Variants in CAP2 observed in about 807,000 individuals in gnomAD.
CAP2 encodes adenylyl cyclase-associated protein 2.
CAP2 carries 24 observed loss-of-function variants against 57.7 expected under a neutral mutation model. The observed-to-expected ratio is 0.42, with a 90% CI of 0.30 to 0.58. The LOEUF (loss-of-function observed/expected upper bound fraction) is 0.58. Among genes scored for constraint, CAP2 ranks in the 20% least tolerant of loss-of-function variants. CAP2 has a pLI of 0.22. For synonymous variants in CAP2, 194 were observed against 207.2 expected, an observed-to-expected ratio of 0.94 and a Z score of 0.55; for missense variants, 501 against 590.3, an observed-to-expected ratio of 0.85 and a Z score of 1.57.
chr6:17,404,619 A>AT (rs1166871442), intron 1 of CAP2, among the ~76,000 whole-genome samples: 1 of 151,196 alleles, frequency 6.6e-6, no homozygotes, highest in African/African-American at 2.4e-5. Context: ...AAAAAAAAAA[A>AT]ATTTAGCTGG....
chr6:17,525,821 G>T (rs890114815), intron 7 of CAP2, among the ~76,000 whole-genome samples: 44 of 152,062 alleles, frequency 2.9e-4, no homozygotes, highest in African/African-American at 1.0e-3. Context: ...AACTAGACAC[G>T]CCCTGAGCAA....
intron 7 of CAP2, among the ~76,000 whole-genome samples, chr6:17,534,391 T>C (rs1762721761): frequency 6.6e-6 from 1 of 152,172 alleles, no homozygotes; most frequent in African/African-American, 2.4e-5. Context: ...CTGCAGGCTA[T>C]GGCTGCAGTT....
intron 4 of CAP2, among the ~76,000 whole-genome samples, chr6:17,486,607 A>G (rs1332643378): frequency 6.6e-6 from 1 of 152,228 alleles, no homozygotes; most frequent in African/African-American, 2.4e-5. Context: ...CCCTGTCTCA[A>G]AAAATAAATA....
chr6:17,553,342 C>T (rs1763215593), intron 12 of CAP2, among the ~76,000 whole-genome samples: 1 of 148,508 alleles, frequency 6.7e-6, no homozygotes, highest in African/African-American at 2.5e-5. Flanking sequence ...TGCTAAAAAC[C>T]AAGGTCTTGG....
chr6:17,417,842 A>G (rs1759327585), intron 1 of CAP2, among the ~76,000 whole-genome samples: 1 of 152,154 alleles, frequency 6.6e-6, no homozygotes, highest in Non-Finnish European at 1.5e-5. Flanking sequence ...CTTTCCTGCC[A>G]TCTTGCTGTA....
intron 6 of CAP2, among the ~76,000 whole-genome samples, chr6:17,509,234 CT>C (rs1238971443): frequency 6.6e-6 from 1 of 151,848 alleles, no homozygotes; most frequent in Admixed American, 6.6e-5. Flanking sequence ...ATTTTCATCA[CT>C]TTTTTTGTAG....
intron 3 of CAP2, among the ~76,000 whole-genome samples, chr6:17,431,220 A>G (rs1002001124): frequency 5.3e-5 from 8 of 152,136 alleles, no homozygotes; most frequent in Non-Finnish European, 8.8e-5. Context: ...TACCTGGGCA[A>G]TGAAATAATC....
chr6:17,478,297 CTTTTT>C lies in CAP2; in HGVS notation c.300+15240_300+15244del, dbSNP rs58472723. On this transcript the variant is annotated intron_variant, in intron 4 of 12. Coordinates refer to ENST00000229922, the MANE Select transcript of CAP2 (RefSeq NM_006366.3). ...CCACAGACGTGCACCACTACACCTA[CTTTTT>C]TTTTTTTTTTTTTTTGTATTTTTAG... is the stretch of plus-strand genomic sequence containing the variant. 4.2e-5 allele frequency among the ~76,000 whole-genome samples: 5 copies of C among 120,418 alleles called. No homozygotes were observed. The South Asian group carries it at 1.3e-3, about 31-fold the overall frequency. The allele number at this position is 120,418 out of a possible 152,430, so 79.0% of individuals were successfully genotyped here.
At chr6:17,399,162 C>T (rs1322302381) in intron 1 of CAP2, among the ~76,000 whole-genome samples, 2 of 152,242 alleles carry the variant, frequency 1.3e-5, no homozygotes, top group Non-Finnish European at 2.9e-5. Flanking sequence ...CTCCCAGGTT[C>T]AAGTGATTCT....
At chr6:17,471,604 G>A (rs376492405) in intron 4 of CAP2, among the ~76,000 whole-genome samples, 1 of 152,246 alleles carries the variant, frequency 6.6e-6, no homozygotes, top group East Asian at 1.9e-4. Flanking sequence ...AGTCCGAGGC[G>A]GGCGGATCGC....
intron 3 of CAP2, among the ~76,000 whole-genome samples, chr6:17,453,392 C>G (rs547067192): frequency 1.2e-4 from 18 of 152,216 alleles, no homozygotes; most frequent in Middle Eastern, 3.4e-3. Context: ...AACTGTGTAT[C>G]GGGAAAAGAC....
chr6:17,414,920 T>C (rs1032458841), intron 1 of CAP2, among the ~76,000 whole-genome samples: 2 of 152,194 alleles, frequency 1.3e-5, no homozygotes, highest in Non-Finnish European at 2.9e-5. Flanking sequence ...GCATCTATTG[T>C]TTCCTGACTT....
In CAP2 at chr6:17,539,971, A is replaced by G. The variant is rs543109418; in HGVS notation, c.826+513A>G. Among the ~76,000 whole-genome samples, 3 of 152,246 alleles carry G rather than the reference A, an allele frequency of 2.0e-5. No homozygotes were observed. In the East Asian group the frequency reaches 5.8e-4, roughly 29 times the overall value. ...GTGGCACACACCTGCAGTTCTAGCT[A>G]CTAAGGAATCTGAGGTGGGAGGATC... On this transcript the variant is annotated intron_variant, in intron 8 of 12. Coordinates refer to ENST00000229922, the MANE Select transcript of CAP2 (RefSeq NM_006366.3).
intron 7 of CAP2, among the ~76,000 whole-genome samples, chr6:17,533,695 A>C (rs541428110): frequency 6.6e-6 from 1 of 151,876 alleles, no homozygotes; most frequent in South Asian, 2.1e-4. Context: ...CAGCCTTCTA[A>C]GTAGCTGGGA....
At chr6:17,472,289 C>G (rs370744119) in intron 4 of CAP2, among the ~76,000 whole-genome samples, 2 of 24,264 alleles carry the variant, frequency 8.2e-5, no homozygotes, top group Non-Finnish European at 1.4e-4. Flanking sequence ...AGCCGAGATC[C>G]CGCCACTGCA....
chr6:17,506,084 A>G (rs1279614498), intron 4 of CAP2, among the ~76,000 whole-genome samples: 1 of 151,852 alleles, frequency 6.6e-6, no homozygotes, highest in Non-Finnish European at 1.5e-5. Flanking sequence ...TTTTTTGTAG[A>G]AGTGGGGTCT....
At chr6:17,487,264 T>C (rs1187368935) in intron 4 of CAP2, among the ~76,000 whole-genome samples, 2 of 151,846 alleles carry the variant, frequency 1.3e-5, no homozygotes, top group Admixed American at 1.3e-4. Flanking sequence ...TGAGAAACAC[T>C]CCCAATTGGT....
At chr6:17,423,275 C>G (rs1035196796) in intron 2 of CAP2, among the ~76,000 whole-genome samples, 2 of 152,156 alleles carry the variant, frequency 1.3e-5, no homozygotes, top group African/African-American at 2.4e-5. Context: ...TTATTTCCCC[C>G]CTGAACATAA....
chr6:17,416,408 TG>T (rs1759276326), intron 1 of CAP2, among the ~76,000 whole-genome samples: 1 of 152,174 alleles, frequency 6.6e-6, no homozygotes, highest in Non-Finnish European at 1.5e-5. Context: ...TTATACTTAA[TG>T]GCAACCCTGT....
Sources: gnomAD v4.1 joint callset for allele counts (sites outside exome capture counted in the v4.1 genomes callset) on GRCh38, gnomAD v4.1.1 for gene constraint, MANE v1.5 for transcripts, NCBI Gene and HGNC (gene_info 2026-07-23, HGNC 2026-07-21) for gene names.